Variants in CTNND2 observed in about 807,000 individuals in gnomAD.
CTNND2 encodes catenin delta-2.
CTNND2 carries 22 observed loss-of-function variants against 144.4 expected under a neutral mutation model. The ratio of observed to expected loss-of-function variants is 0.15; its 90% confidence interval spans 0.11 to 0.22. The LOEUF is 0.22. CTNND2 is among the 10% of genes least tolerant of loss of function. The pLI, the probability that CTNND2 is intolerant of heterozygous loss-of-function variation, is 1.00. For missense variants in CTNND2, 1,353 were observed against 1,618.8 expected (o/e 0.84, Z 2.82); for synonymous variants, 751 against 695.6 (o/e 1.08, Z -1.25).
Position 11,076,163 on chromosome 5 carries a change from C to G in CTNND2, c.2788+6533G>C, listed in dbSNP as rs768889702. On this transcript the variant is annotated intron_variant, in intron 16 of 21. Coordinates refer to ENST00000304623, the MANE Select transcript of CTNND2 (RefSeq NM_001332.4). ...GAGGATAAAATTACACAATGGAAAT[C>G]TAAAACAAGTGAGAAGGTTTCTTAT... is the stretch of plus-strand genomic sequence containing the variant. 5.3e-5 allele frequency among the ~76,000 whole-genome samples: 8 copies of G among 152,278 alleles called. No individual in the cohort carries two copies. In the South Asian group the frequency reaches 6.2e-4, roughly 12 times the overall value.
chr5:11,098,476 C>A, intron 15 of CTNND2, 99 bp downstream of exon 15: 2 of 1,067,388 alleles, frequency 1.9e-6, no homozygotes, highest in Non-Finnish European at 2.7e-6. Flanking sequence ...TCCTAGAAAT[C>A]TTTATTAGAG....
chr5:11,078,008 A>C (rs954735444), intron 16 of CTNND2, among the ~76,000 whole-genome samples: 6 of 152,126 alleles, frequency 3.9e-5, no homozygotes, highest in Non-Finnish European at 7.3e-5. Flanking sequence ...TATTTGAGAC[A>C]CTCATAAGAC....
chr5:11,248,456 T>G (rs1320457714), intron 9 of CTNND2, among the ~76,000 whole-genome samples: 1 of 152,116 alleles, frequency 6.6e-6, no homozygotes, highest in African/African-American at 2.4e-5. Flanking sequence ...ATGTGTGTGT[T>G]TGTACTTATG....
chr5:11,819,233 A>G (rs907163666), intron 1 of CTNND2, among the ~76,000 whole-genome samples: 1 of 152,138 alleles, frequency 6.6e-6, no homozygotes, highest in East Asian at 1.9e-4. Flanking sequence ...CAGGAGTTTG[A>G]GACCAGCCTG....
At chr5:11,666,344 C>T (rs946061523) in intron 2 of CTNND2, among the ~76,000 whole-genome samples, 15 of 152,088 alleles carry the variant, frequency 9.9e-5, no homozygotes. Flanking sequence ...GAGGGGAAAC[C>T]AAACCTTAGA....
At position 11,550,991 on chromosome 5, in the gene CTNND2, G is replaced by A. The variant is rs80295264; in HGVS notation, c.287+13953C>T. 5.5e-3 allele frequency among the ~76,000 whole-genome samples: 836 copies of A among 152,232 alleles called. 21 individuals are homozygous for A. The highest frequency in any genetic ancestry group is 0.054 in the East Asian group (280 of 5,170). ...AGCTCTGCAGCCTCTGGAAGCCCTCGTTACCTTGGGTGAAATTTTTCTGAC... is the reference window on the plus strand; with the variant it reads ...AGCTCTGCAGCCTCTGGAAGCCCTCATTACCTTGGGTGAAATTTTTCTGAC... On this transcript the variant is annotated intron_variant, in intron 3 of 21. Coordinates refer to ENST00000304623, the MANE Select transcript of CTNND2 (RefSeq NM_001332.4).
intron 12 of CTNND2, among the ~76,000 whole-genome samples, chr5:11,126,870 C>T (rs781427309): frequency 5.9e-5 from 9 of 152,304 alleles, no homozygotes; most frequent in South Asian, 2.1e-4. Context: ...AATAAGGACA[C>T]GGAACATAAT....
At chr5:11,181,945 G>T (rs201881876) in intron 11 of CTNND2, among the ~76,000 whole-genome samples, 6,186 of 142,732 alleles carry the variant, frequency 0.043, 271 homozygotes, top group African/African-American at 0.1. Context: ...TGTGTGTGTG[G>T]GGGGGTGCGT....
chr5:11,891,018 G>A (rs1736914631), intron 1 of CTNND2, among the ~76,000 whole-genome samples: 1 of 152,210 alleles, frequency 6.6e-6, no homozygotes, highest in African/African-American at 2.4e-5. Context: ...GGCCAGCCAG[G>A]AGCCTGCTGC....
intron 1 of CTNND2, among the ~76,000 whole-genome samples, chr5:11,831,092 C>T (rs1338240071): frequency 6.6e-6 from 1 of 151,838 alleles, no homozygotes; most frequent in African/African-American, 2.4e-5. Context: ...TTGGAAGACT[C>T]AACATGATTA....
chr5:11,263,547 G>T (rs1268607276), intron 9 of CTNND2, among the ~76,000 whole-genome samples: 1 of 152,010 alleles, frequency 6.6e-6, no homozygotes, highest in Non-Finnish European at 1.5e-5. Flanking sequence ...TGGAGAAAGA[G>T]TGAAGACAGA....
At chr5:11,296,956 A>G (rs1749088291) in intron 9 of CTNND2, among the ~76,000 whole-genome samples, 1 of 152,246 alleles carries the variant, frequency 6.6e-6, no homozygotes. Context: ...CACGTTGTGC[A>G]CATGTACCCT....
At chr5:11,149,049 C>T (rs1397791209) in intron 12 of CTNND2, among the ~76,000 whole-genome samples, 5 of 152,322 alleles carry the variant, frequency 3.3e-5, no homozygotes, top group East Asian at 3.9e-4. Flanking sequence ...GCGCTGCTTC[C>T]GTGCACATTA....
chr5:11,710,059 A>G (rs893669247), intron 2 of CTNND2, among the ~76,000 whole-genome samples: 7 of 152,292 alleles, frequency 4.6e-5, no homozygotes, highest in African/African-American at 1.7e-4. Flanking sequence ...AGACATTTCA[A>G]TGTAGTGAGG....
chr5:11,170,030 T>C (rs959814025), intron 11 of CTNND2, among the ~76,000 whole-genome samples: 4 of 152,222 alleles, frequency 2.6e-5, no homozygotes, highest in Non-Finnish European at 4.4e-5. Flanking sequence ...GTTAATCACC[T>C]GCATGTATTA....
At chr5:11,214,221 T>A (rs1019889918) in intron 10 of CTNND2, among the ~76,000 whole-genome samples, 28 of 152,224 alleles carry the variant, frequency 1.8e-4, no homozygotes, top group Admixed American at 1.3e-4. Flanking sequence ...CTTTCAGAGG[T>A]TAGTTCTTAT....
Position 11,904,290 on chromosome 5 carries a change from C to T in CTNND2, c.-437G>A, listed in dbSNP as rs1014972209. Among the ~76,000 whole-genome samples, 86 of 146,594 alleles carry T rather than the reference C, an allele frequency of 5.9e-4. No homozygotes were observed. Among genetic ancestry groups the T allele is most frequent in the African/African-American group, 1.9e-3 (78 of 40,944 alleles). ...CTCCCGAGCTGCGCCCCGCGCGCGG[C>T]CCGCGCCACCTGTGCCGCCGCCGCC... On this transcript the variant is annotated 5_prime_UTR_variant, in exon 1 of 22. Transcript: ENST00000304623. The surrounding 1 kb of genome is among the most constrained non-coding windows in gnomAD (Gnocchi z 4.2).
chr5:11,835,272 C>A (rs1005032102), intron 1 of CTNND2, among the ~76,000 whole-genome samples: 1 of 152,136 alleles, frequency 6.6e-6, no homozygotes, highest in Non-Finnish European at 1.5e-5. Flanking sequence ...TTATTTTCTT[C>A]TACTGTTTTT....
intron 16 of CTNND2, among the ~76,000 whole-genome samples, chr5:11,029,785 G>A (rs1116697): frequency 0.19 from 29,344 of 152,146 alleles, 4,930 homozygotes; most frequent in East Asian, 0.53. Context: ...GAAAACAAAA[G>A]TAGCATTATA....
Sources: gnomAD v4.1 joint callset for allele counts (sites outside exome capture counted in the v4.1 genomes callset) on GRCh38, gnomAD v4.1.1 for gene constraint, Gnocchi (gnomAD v3.1) non-coding constraint, MANE v1.5 for transcripts, NCBI Gene and HGNC (gene_info 2026-07-23, HGNC 2026-07-21) for gene names.